LRRFIP1: variants seen among roughly 807,000 people sequenced by gnomAD.
The protein encoded by LRRFIP1 is leucine-rich repeat flightless-interacting protein 1.
Under a neutral mutation model 104.4 loss-of-function variants are expected in LRRFIP1, and 62 were observed. The observed-to-expected ratio is 0.59, with a 90% CI of 0.48 to 0.73. The LOEUF is 0.73. Among genes scored for constraint, LRRFIP1 ranks in the 30% least tolerant of loss-of-function variants. LRRFIP1 has a pLI of 0.00. For missense variants in LRRFIP1, 796 were observed against 824.5 expected, an observed-to-expected ratio of 0.97 and a Z score of 0.42; for synonymous variants, 300 against 299.0, an observed-to-expected ratio of 1.00 and a Z score of -0.03.
At chr2:237,729,806 A>G (rs2094922697) in intron 8 of LRRFIP1, 1 of 985,390 alleles carries the variant, frequency 1.0e-6, no homozygotes, top group Non-Finnish European at 1.2e-6. Context: ...GTGACAGCAG[A>G]TTCTCTACTT....
intron 16 of LRRFIP1, 69 bp downstream of exon 16, chr2:237,756,256 CT>C: frequency 8.7e-7 from 1 of 1,155,060 alleles, no homozygotes; most frequent in Non-Finnish European, 1.3e-6. Flanking sequence ...CCATGACTAT[CT>C]TAGCTTAGGC....
chr2:237,707,297 G>T (rs1388446092), intron 1 of LRRFIP1, among the ~76,000 whole-genome samples: 2 of 150,834 alleles, frequency 1.3e-5, no homozygotes, highest in African/African-American at 4.9e-5. Context: ...GCCGGTTGTG[G>T]TGGTGCAAAC....
chr2:237,631,086 C>T (rs1250501763), intron 1 of LRRFIP1, among the ~76,000 whole-genome samples: 3 of 152,208 alleles, frequency 2.0e-5, no homozygotes, highest in Non-Finnish European at 2.9e-5. Context: ...TGGGGAGAGC[C>T]GGCCTCCCTG....
chr2:237,682,571 G>A (rs566705437), intron 1 of LRRFIP1, among the ~76,000 whole-genome samples: 5 of 152,310 alleles, frequency 3.3e-5, no homozygotes, highest in Non-Finnish European at 5.9e-5. Flanking sequence ...CAGAGGTGCC[G>A]AGAAGCAAAA....
At chr2:237,679,339 T>C (rs1018139655) in intron 1 of LRRFIP1, among the ~76,000 whole-genome samples, 3 of 152,242 alleles carry the variant, frequency 2.0e-5, no homozygotes, top group African/African-American at 7.2e-5. Context: ...ACAAAGCTAC[T>C]GTGTCCTGAT....
In LRRFIP1 at chr2:237,666,517, A is replaced by G. The variant is rs372991257; in HGVS notation, c.96+38777A>G. On this transcript the variant is annotated intron_variant, in intron 1 of 23. Coordinates refer to ENST00000308482, the MANE Select transcript of LRRFIP1 (RefSeq NM_001137550.2). ...GAGTTGCTTCCCAGAGGTACCAACA[A>G]GCCAACATGTCTTTGGTATGTTATT... is the stretch of plus-strand genomic sequence containing the variant. 7.9e-5 allele frequency among the ~76,000 whole-genome samples: 12 copies of G among 152,068 alleles called. No individual in the cohort carries two copies. In the South Asian group the frequency reaches 2.5e-3, roughly 31 times the overall value.
Position 237,735,605 on chromosome 2 carries a change from A to G in LRRFIP1, c.555+272A>G, listed in dbSNP as rs373674837. The G allele has an allele frequency of 7.7e-6, 3 of 388,902 alleles. No individual in the cohort carries two copies. Among genetic ancestry groups the G allele is most frequent in the East Asian group, 8.7e-5 (2 of 23,072 alleles). The allele number at this position is 388,902 out of a possible 1,614,324, so 24.1% of individuals were successfully genotyped here. A position where few individuals can be genotyped will look rare whatever the true frequency, so the allele number is the denominator to read the frequency against. On this transcript the variant is annotated intron_variant, in intron 10 of 23. Transcript: ENST00000308482. The surrounding 1 kb of genome is among the most constrained non-coding windows in gnomAD (Gnocchi z 4.6). ...TCTCTGCAGCACGCCAACCATACTA[A>G]CAGGTGGTGAAACCGTCTTCGGTTA...
rs2095216878 is a variant in LRRFIP1, at chr2:237,735,565, G to C, written c.555+232G>C. The C allele has an allele frequency of 2.0e-6, 1 of 500,746 alleles. No individual in the cohort carries two copies. Among genetic ancestry groups the C allele is most frequent in the Non-Finnish European group, 3.5e-6 (1 of 282,312 alleles). The allele number at this position is 500,746 out of a possible 1,614,324, so 31.0% of individuals were successfully genotyped here. On this transcript the variant is annotated intron_variant, in intron 10 of 23. Transcript: ENST00000308482. The surrounding 1 kb of genome is among the most constrained non-coding windows in gnomAD (Gnocchi z 4.6). ...CTCATCAGGGAGAGTAACTTGCACT[G>C]AGTTTCATCTGCTCTCTCTGCAGCA...
Position 237,642,972 on chromosome 2 carries a change from G to A in LRRFIP1, c.96+15232G>A, listed in dbSNP as rs556247722. 1.2e-4 allele frequency among the ~76,000 whole-genome samples: 18 copies of A among 152,318 alleles called. No homozygotes were observed. In the South Asian group the frequency reaches 1.9e-3, roughly 16 times the overall value. On this transcript the variant is annotated intron_variant, in intron 1 of 23. Transcript: ENST00000308482. ...CCCGTTTTACCACCTCCTCTATAAGGTGGGATAAATCCGCCTGCTAACCTC... is the reference window on the plus strand; with the variant it reads ...CCCGTTTTACCACCTCCTCTATAAGATGGGATAAATCCGCCTGCTAACCTC...
At chr2:237,712,233 G>T (rs974514665) in intron 2 of LRRFIP1, among the ~76,000 whole-genome samples, 1 of 152,204 alleles carries the variant, frequency 6.6e-6, no homozygotes, top group African/African-American at 2.4e-5. Flanking sequence ...ATTCAAATCA[G>T]ATTTGACCAG....
chr2:237,722,964 GTATTTTAATAT>G (rs1434790077), intron 6 of LRRFIP1, among the ~76,000 whole-genome samples: 1 of 152,110 alleles, frequency 6.6e-6, no homozygotes. Flanking sequence ...CTGTTTTTAT[GTATTTTAATAT>G]TATGAACTTT....
intron 1 of LRRFIP1, among the ~76,000 whole-genome samples, chr2:237,696,997 G>A (rs2093231063): frequency 6.6e-6 from 1 of 152,208 alleles, no homozygotes; most frequent in Admixed American, 6.5e-5. Flanking sequence ...CCAGACAGAA[G>A]AGAACATTCA....
intron 22 of LRRFIP1, 34 bp downstream of exon 22, chr2:237,772,979 TTGAC>T (rs763542123): frequency 1.3e-6 from 2 of 1,536,354 alleles, no homozygotes; most frequent in Admixed American, 3.4e-5. Context: ...GAACTGATGA[TTGAC>T]TGGAGTTTTA....
intron 23 of LRRFIP1, among the ~76,000 whole-genome samples, chr2:237,777,167 A>C (rs1009341844): frequency 3.9e-5 from 6 of 152,184 alleles, no homozygotes; most frequent in Admixed American, 2.0e-4. Context: ...GTATATGTAT[A>C]TGTACACATG....
intron 1 of LRRFIP1, among the ~76,000 whole-genome samples, chr2:237,697,649 TCTC>T (rs1191578902): frequency 1.3e-5 from 2 of 152,158 alleles, no homozygotes; most frequent in African/African-American, 4.8e-5. Context: ...TCAGCCTTCT[TCTC>T]AGAGGAAACA....
chr2:237,736,350 G>T (rs1036140524), intron 10 of LRRFIP1, among the ~76,000 whole-genome samples: 5 of 152,126 alleles, frequency 3.3e-5, no homozygotes, highest in Non-Finnish European at 7.4e-5. Flanking sequence ...TTCCCAGTTG[G>T]TAAACATTTT....
intron 1 of LRRFIP1, among the ~76,000 whole-genome samples, chr2:237,659,241 A>G (rs775450058): frequency 6.6e-6 from 1 of 151,718 alleles, no homozygotes; most frequent in Non-Finnish European, 1.5e-5. Flanking sequence ...CTACAGGAAC[A>G]CACCACTACA....
At chr2:237,728,052 ATCGG>A (rs1428978637) in intron 8 of LRRFIP1, 117 bp downstream of exon 8, 7 of 720,232 alleles carry the variant, frequency 9.7e-6, no homozygotes, top group Admixed American at 2.9e-5. Context: ...AAATTTTAAA[ATCGG>A]TCTGTCTTTT....
At chr2:237,763,961 T>G in intron 19 of LRRFIP1, 1 of 1,614,008 alleles carries the variant, frequency 6.2e-7, no homozygotes, top group South Asian at 1.1e-5. Context: ...TACAGAGAGG[T>G]GTGAGATGTC....
Sources: allele counts gnomAD v4.1 joint callset (sites outside exome capture counted in the v4.1 genomes callset), GRCh38; gene constraint gnomAD v4.1.1; non-coding constraint Gnocchi (gnomAD v3.1); transcripts MANE v1.5; gene names NCBI Gene and HGNC (gene_info 2026-07-23, HGNC 2026-07-21).